Variants in NBPF11 observed in about 807,000 individuals in gnomAD.
The protein encoded by NBPF11 is NBPF family member NBPF11.
In NBPF11, 72 loss-of-function variants were observed where a neutral mutation model predicts 93.9. The ratio of observed to expected loss-of-function variants is 0.77; its 90% confidence interval spans 0.63 to 0.93. NBPF11 has a LOEUF of 0.93. NBPF11 is among the 40% of genes least tolerant of loss of function. NBPF11 has a pLI of 0.00. For synonymous variants in NBPF11, 224 were observed against 304.9 expected (o/e 0.73, Z 2.76); for missense variants, 705 against 802.2 (o/e 0.88, Z 1.46).
rs1254073731 is a variant in NBPF11, at chr1:148,104,747, A to G, written c.2473-102T>C. On this transcript the variant is annotated intron_variant, in intron 22 of 23. Transcript: ENST00000682118. ...ACACAGGGACCTCAGGCTCCTCAGC[A>G]TAAGAATAGGACACTGTGAGAGATA... is the stretch of plus-strand genomic sequence containing the variant. 1.7e-5 allele frequency: 7 copies of G among 412,714 alleles called. No homozygotes were observed. The East Asian group carries it at 3.4e-4, about 20-fold the overall frequency. 25.6% of individuals were successfully genotyped at this position (412,714 alleles called of 1,614,324 possible).
intron 2 of NBPF11, among the ~76,000 whole-genome samples, chr1:148,141,995 A>T (rs1672243909): frequency 7.5e-6 from 1 of 133,668 alleles, no homozygotes; most frequent in Non-Finnish European, 1.6e-5. Context: ...GAATGGAGGG[A>T]GGGAGGGAAG....
intron 14 of NBPF11, among the ~76,000 whole-genome samples, 181 bp downstream of exon 14, chr1:148,115,612 C>G (rs1329247730): frequency 6.6e-6 from 1 of 151,758 alleles, no homozygotes; most frequent in African/African-American, 2.4e-5. Context: ...TAACTTGATA[C>G]TGGGGACTGG....
Position 148,102,583 on chromosome 1 carries a change from A to G in NBPF11, c.*1313T>C, listed in dbSNP as rs1247646293. The G allele has an allele frequency of 6.6e-6, 1 of 151,260 alleles. No individual in the cohort carries two copies. The highest frequency in any genetic ancestry group is 2.5e-5 in the African/African-American group (1 of 40,618). The allele number at this position is 151,260 out of a possible 1,614,324, so 9.4% of individuals were successfully genotyped here. ...GCATTGTCTCTGCAGTGTTCCCGTC[A>G]AAAAGTTTAGGCTGAATTTAATTAT... is the stretch of plus-strand genomic sequence containing the variant. On this transcript the variant is annotated 3_prime_UTR_variant, in exon 24 of 24. Coordinates refer to ENST00000682118, the MANE Select transcript of NBPF11 (RefSeq NM_001385469.3).
chr1:148,105,476 G>C lies in NBPF11; in HGVS notation c.2356C>G (p.Leu786Val), dbSNP rs1553267070. 2 of 1,104,080 alleles carry C rather than the reference G, an allele frequency of 1.8e-6. No homozygotes were observed. Among genetic ancestry groups the C allele is most frequent in the Non-Finnish European group, 2.6e-6 (2 of 764,758 alleles). The allele number at this position is 1,104,080 out of a possible 1,614,324, so 68.4% of individuals were successfully genotyped here. The change falls in exon 22 of 24, where the codon CTG becomes GTG. Residue 786 changes from leucine to valine, a missense_variant. By Grantham distance (32) the Leu-to-Val change is conservative. Coordinates refer to ENST00000682118, the MANE Select transcript of NBPF11 (RefSeq NM_001385469.3). ...VVEPEVLQDS[L>V]DVIQLLPVVL... ...ACTGGAAGGAGTTGAATAACATCCA[G>C]TGAGTCCTGCAAGACTTCAGGCTCT... is the stretch of plus-strand genomic sequence containing the variant.
In NBPF11 at chr1:148,108,855, AC is replaced by A. The variant is rs1664503051; in HGVS notation, c.1854-202del. Among the ~76,000 whole-genome samples, 76 of 138,182 alleles carry A rather than the reference AC, an allele frequency of 5.5e-4. 1 individual carries two copies. Among genetic ancestry groups the A allele is most frequent in the African/African-American group, 1.9e-3 (70 of 36,764 alleles). 90.7% of individuals were successfully genotyped at this position (138,182 alleles called of 152,430 possible). On this transcript the variant is annotated intron_variant, in intron 17 of 23. Transcript: ENST00000682118. ...ATGAAAGAGAAAGACACACACACACACACACACACACACACACACACACACA... is the reference window on the plus strand; with the variant it reads ...ATGAAAGAGAAAGACACACACACACAACACACACACACACACACACACACA...
intron 4 of NBPF11, among the ~76,000 whole-genome samples, chr1:148,132,814 C>A (rs1472226547): frequency 1.1e-5 from 1 of 87,232 alleles, no homozygotes; most frequent in Admixed American, 1.7e-4. Flanking sequence ...TGCAGTGATG[C>A]GATCTCGGCT....
At chr1:148,126,463 T>C (rs2149251031) in intron 5 of NBPF11, among the ~76,000 whole-genome samples, 1 of 151,842 alleles carries the variant, frequency 6.6e-6, no homozygotes, top group South Asian at 2.1e-4. Context: ...AAACTTGAAC[T>C]GAATAAAAGT....
chr1:148,149,560 C>A, intron 1 of NBPF11: 1 of 1,594,030 alleles, frequency 6.3e-7, no homozygotes, highest in Non-Finnish European at 8.5e-7. Flanking sequence ...CCAGCCAGCG[C>A]GCCTAGCGGC....
chr1:148,128,853 T>C (rs1406367800), intron 4 of NBPF11, among the ~76,000 whole-genome samples: 3 of 149,944 alleles, frequency 2.0e-5, no homozygotes, highest in African/African-American at 7.4e-5. Context: ...TAAAAGTCTT[T>C]CATTTCCCCA....
chr1:148,149,289 G>A (rs1647624745), intron 1 of NBPF11: 3 of 1,596,696 alleles, frequency 1.9e-6, no homozygotes, highest in Admixed American at 1.7e-5. Context: ...TCGGGCATGC[G>A]CGTCGCCTTC....
intron 3 of NBPF11, among the ~76,000 whole-genome samples, chr1:148,136,140 A>G (rs1671243085): frequency 6.6e-6 from 1 of 152,046 alleles, no homozygotes; most frequent in African/African-American, 2.4e-5. Context: ...GTACAATAGT[A>G]TAAACACTTT....
intron 4 of NBPF11, among the ~76,000 whole-genome samples, chr1:148,128,890 TA>T (rs1426029844): frequency 6.8e-6 from 1 of 147,552 alleles, no homozygotes; most frequent in Non-Finnish European, 1.5e-5. Flanking sequence ...TCTTTGTTTT[TA>T]AAACATTTAG....
rs1227065658 is a variant in NBPF11 at position 148,138,033 on chromosome 1, C to T, written c.-276-224G>A. Among the ~76,000 whole-genome samples the T allele has an allele frequency of 9.2e-5, 14 of 151,358 alleles. 1 individual carries two copies. Among genetic ancestry groups the T allele is most frequent in the East Asian group, 2.0e-4 (1 of 5,122 alleles). On this transcript the variant is annotated intron_variant, in intron 2 of 23. Coordinates refer to ENST00000682118, the MANE Select transcript of NBPF11 (RefSeq NM_001385469.3). ...TTTATTGATCATTATTGGGCGTTTC[C>T]GGAGAGGGGGATGTGGCAGGACAAT... is the stretch of plus-strand genomic sequence containing the variant.
intron 14 of NBPF11, among the ~76,000 whole-genome samples, chr1:148,115,225 A>G (rs1202089828): frequency 1.0e-3 from 147 of 144,330 alleles, no homozygotes; most frequent in Non-Finnish European, 1.9e-3. Flanking sequence ...ACAAAGAAAC[A>G]TTGGATCAGC....
At chr1:148,143,948 T>C (rs1298544301) in intron 1 of NBPF11, among the ~76,000 whole-genome samples, 2 of 148,226 alleles carry the variant, frequency 1.3e-5, no homozygotes, top group Non-Finnish European at 3.0e-5. Context: ...CACTCTCAGC[T>C]ACTCGGGAGG....
Position 148,108,542 on chromosome 1 carries a change from A to G in NBPF11, c.1966T>C (p.Tyr656His). Residue 656 changes from tyrosine (Y) to histidine (H), a missense_variant, in exon 18 of 24, where the codon TAC (tyrosine) becomes CAC (histidine). Around this residue, in one of 12 missense-constraint regions of NBPF11, gnomAD observed 97 missense variants for 65.0 expected, o/e 1.49. Coordinates refer to ENST00000682118, the MANE Select transcript of NBPF11 (RefSeq NM_001385469.3). ...TCCAATACGTAAAAGGCACTTCTGT[A>G]GGGCTGGCATGAGTCAGTCAGTCCA... is the stretch of plus-strand genomic sequence containing the variant. ...YLGLTDSCQP[Y>H]RSAFYVLEQQ... 1 of 1,603,090 alleles carries G rather than the reference A, an allele frequency of 6.2e-7. No homozygotes were observed. Among genetic ancestry groups the G allele is most frequent in the East Asian group, 2.2e-5 (1 of 44,786 alleles).
chr1:148,146,959 C>A (rs1214954512), intron 1 of NBPF11: 13 of 1,549,704 alleles, frequency 8.4e-6, no homozygotes, highest in Non-Finnish European at 1.1e-5. Flanking sequence ...CCTGGGCACA[C>A]CCAAGAGGGG....
At chr1:148,146,125 C>G (rs1383102502) in intron 1 of NBPF11, among the ~76,000 whole-genome samples, 1 of 151,784 alleles carries the variant, frequency 6.6e-6, no homozygotes, top group African/African-American at 2.4e-5. Flanking sequence ...CCATGGAGCG[C>G]GGCCCTGGGG....
At chr1:148,108,842 G>GAC (rs71270029) in intron 17 of NBPF11, among the ~76,000 whole-genome samples, 188 bp from the exon 18 acceptor site, 19,129 of 112,800 alleles carry the variant, frequency 0.17, 1,519 homozygotes, top group Middle Eastern at 0.24. Flanking sequence ...GAAAGAGAAA[G>GAC]ACACACACAC....
Sources: gnomAD v4.1 joint callset for allele counts (sites outside exome capture counted in the v4.1 genomes callset) on GRCh38, gnomAD v4.1.1 for gene constraint, gnomAD v4.1.1 regional missense constraint, MANE v1.5 for transcripts, NCBI Gene and HGNC (gene_info 2026-07-23, HGNC 2026-07-21) for gene names.